Variants in APOBEC3F observed in about 807,000 individuals in gnomAD.
APOBEC3F encodes the protein DNA dC->dU-editing enzyme APOBEC-3F.
Under a neutral mutation model 45.8 loss-of-function variants are expected in APOBEC3F, and 34 were observed. The observed-to-expected ratio is 0.74, with a 90% CI of 0.57 to 0.99. The LOEUF is 0.99. APOBEC3F is among the 50% of genes least tolerant of loss of function. The pLI is 0.00. For synonymous variants in APOBEC3F, 192 were observed against 174.4 expected (o/e 1.10, Z -0.80); for missense variants, 459 against 474.1 (o/e 0.97, Z 0.30).
chr22:39,055,676 G>A lies in APOBEC3F; in HGVS notation c.*2981G>A, dbSNP rs1008260771. Among the ~76,000 whole-genome samples, 1 of 152,170 alleles carries A rather than the reference G, an allele frequency of 6.6e-6. No homozygotes were observed. Among genetic ancestry groups the A allele is most frequent in the Non-Finnish European group, 1.5e-5 (1 of 68,038 alleles). ...GCCAGACTGTTTGGCGCTGCTACCTGGGCCTGGTAGTTAAAGATCAACTCC... is the reference window on the plus strand; with the variant it reads ...GCCAGACTGTTTGGCGCTGCTACCTAGGCCTGGTAGTTAAAGATCAACTCC... On this transcript the variant is annotated 3_prime_UTR_variant, in exon 7 of 7. Coordinates refer to ENST00000308521, the MANE Select transcript of APOBEC3F (RefSeq NM_145298.6).
At position 39,053,205 on chromosome 22, in the gene APOBEC3F, AG is replaced by A. The variant is rs1927582491; in HGVS notation, c.*512del. 1 of 151,308 alleles carries A rather than the reference AG, an allele frequency of 6.6e-6. No individual in the cohort carries two copies. The highest frequency in any genetic ancestry group is 6.6e-5 in the Admixed American group (1 of 15,146). The allele number at this position is 151,308 out of a possible 1,614,324, so 9.4% of individuals were successfully genotyped here. A position where few individuals can be genotyped will look rare whatever the true frequency, so the allele number is the denominator to read the frequency against. On this transcript the variant is annotated 3_prime_UTR_variant, in exon 7 of 7. Transcript: ENST00000308521. ...GTGACTGGGTTTCACCATGTTGGCC[AG>A]GCTGGTCTTGAACTCCTGACCTCAG...
At chr22:39,044,130 C>G in intron 2 of APOBEC3F, 1 of 1,567,848 alleles carries the variant, frequency 6.4e-7, no homozygotes, top group Non-Finnish European at 8.6e-7. Flanking sequence ...TCAGTAGCCC[C>G]TTTGGCCAGT....
intron 2 of APOBEC3F, among the ~76,000 whole-genome samples, chr22:39,043,734 G>A (rs1171479071): frequency 1.3e-5 from 2 of 151,830 alleles, no homozygotes; most frequent in Non-Finnish European, 2.9e-5. Context: ...AGCTGTGTAG[G>A]CCACGCTTGG....
Position 39,044,984 on chromosome 22 carries a change from CTT to C in APOBEC3F, c.216_217del (p.Trp73ValfsTer36), listed in dbSNP as rs1482621259. ...CACCACGCAGAAATGTGCTTCCTCT[CTT>C]GGTTCTGTGGCAACCAGCTGCCTGC... On this transcript the variant is annotated frameshift_variant, in exon 3 of 7. Transcript: ENST00000308521. LOFTEE classifies it high-confidence loss of function. 6.2e-7 allele frequency: 1 copy of C among 1,613,946 alleles called. No homozygotes were observed. Among genetic ancestry groups the C allele is most frequent in the Admixed American group, 1.7e-5 (1 of 59,982 alleles).
chr22:39,043,267 A>G, intron 2 of APOBEC3F, among the ~76,000 whole-genome samples, 177 bp downstream of exon 2: 2 of 144,854 alleles, frequency 1.4e-5, no homozygotes. Context: ...CGGATCGTGG[A>G]GGGGGTTTGC....
rs35928287 is a variant in APOBEC3F, at chr22:39,045,123, C to T, written c.354C>T (p.Ser118=). 4.0e-3 allele frequency: 6,454 copies of T among 1,612,854 alleles called. 161 individuals carry two copies. In the African/African-American group the frequency reaches 0.072, roughly 18 times the overall value. The part of the protein sequence containing the change: ...AEHPNVTLTI[S]AARLYYYWER... ...ACCCCAATGTCACCCTGACCATCTCCGCCGCCCGCCTCTACTACTACTGGG... is the reference window on the plus strand; with the variant it reads ...ACCCCAATGTCACCCTGACCATCTCTGCCGCCCGCCTCTACTACTACTGGG... Residue 118 remains serine, a synonymous_variant, in exon 3 of 7, where the codon TCC becomes TCT. Transcript: ENST00000308521.
intron 4 of APOBEC3F, among the ~76,000 whole-genome samples, chr22:39,049,017 G>A (rs902668103): frequency 6.6e-6 from 1 of 151,890 alleles, no homozygotes; most frequent in Non-Finnish European, 1.5e-5. Flanking sequence ...AACAAAAAGA[G>A]TAGCCTGGGC....
chr22:39,050,700 C>T (rs1002532685), intron 5 of APOBEC3F, among the ~76,000 whole-genome samples: 2 of 151,660 alleles, frequency 1.3e-5, no homozygotes, highest in Admixed American at 6.6e-5. Context: ...GTATTTTACA[C>T]GTGCCAACGT....
intron 5 of APOBEC3F, among the ~76,000 whole-genome samples, chr22:39,049,965 A>C (rs2076105): frequency 0.53 from 74,916 of 142,228 alleles, 20,403 homozygotes; most frequent in East Asian, 0.68. Context: ...GGCCTCCCAA[A>C]GTGCTAGGAT....
chr22:39,042,836 G>A lies in APOBEC3F; in HGVS notation c.18-101G>A, dbSNP rs865850813. On this transcript the variant is annotated intron_variant, in intron 1 of 6. Transcript: ENST00000308521. ...TTCTCAGGGCTGTGGAGGGGTTGGG[G>A]AGGCCCAGAGCCATGCAGGGGGCTG... is the stretch of plus-strand genomic sequence containing the variant. The A allele has an allele frequency of 5.3e-6, 8 of 1,517,560 alleles. No homozygotes were observed. The Middle Eastern group carries it at 1.6e-3, about 310-fold the overall frequency. 94.0% of individuals were successfully genotyped at this position (1,517,560 alleles called of 1,614,324 possible).
chr22:39,048,649 T>C (rs1927334367), intron 4 of APOBEC3F, among the ~76,000 whole-genome samples: 1 of 151,836 alleles, frequency 6.6e-6, no homozygotes, highest in Non-Finnish European at 1.5e-5. Context: ...CTACTAAAAA[T>C]ACAAAAAATT....
At chr22:39,047,292 C>A (rs1008995616) in intron 4 of APOBEC3F, among the ~76,000 whole-genome samples, 7 of 152,132 alleles carry the variant, frequency 4.6e-5, no homozygotes, top group Non-Finnish European at 2.9e-5. Flanking sequence ...GGGATGATTC[C>A]TGAGGGCAGG....
intron 5 of APOBEC3F, among the ~76,000 whole-genome samples, chr22:39,050,920 G>A (rs1927453869): frequency 6.6e-6 from 1 of 152,174 alleles, no homozygotes; most frequent in Non-Finnish European, 1.5e-5. Context: ...GACCTATGAT[G>A]AGACAGGAAA....
At chr22:39,044,192 C>A in intron 2 of APOBEC3F, 1 of 1,609,848 alleles carries the variant, frequency 6.2e-7, no homozygotes, top group South Asian at 1.1e-5. Flanking sequence ...CAGCTGACCG[C>A]AGGCAGGGAA....
intron 5 of APOBEC3F, among the ~76,000 whole-genome samples, chr22:39,051,643 C>A (rs1157820910): frequency 6.6e-6 from 1 of 151,802 alleles, no homozygotes; most frequent in South Asian, 2.1e-4. Flanking sequence ...TAGTATGTAC[C>A]CAAAAAAATG....
At chr22:39,046,250 A>G (rs1349414028) in intron 4 of APOBEC3F, among the ~76,000 whole-genome samples, 1 of 152,138 alleles carries the variant, frequency 6.6e-6, no homozygotes, top group African/African-American at 2.4e-5. Flanking sequence ...GCCATGAGTT[A>G]ATTTAATCAC....
intron 3 of APOBEC3F, 65 bp from the exon 4 acceptor site, chr22:39,045,363 C>G (rs1455063474): frequency 1.2e-6 from 2 of 1,611,038 alleles, no homozygotes; most frequent in African/African-American, 2.7e-5. Context: ...GCCAGGAGAC[C>G]AGGCCTGGGA....
Position 39,045,137 on chromosome 22 carries a change from A to G in APOBEC3F, c.368A>G (p.Tyr123Cys), listed in dbSNP as rs199884564. The G allele has an allele frequency of 5.6e-6, 9 of 1,613,956 alleles. No homozygotes were observed. Among genetic ancestry groups the G allele is most frequent in the South Asian group, 1.1e-5 (1 of 91,076 alleles). ...CTGACCATCTCCGCCGCCCGCCTCT[A>G]CTACTACTGGGAAAGAGATTACCGA... ...VTLTISAARL[Y>C]YYWERDYRRA... The change falls in exon 3 of 7, where the codon TAC (tyrosine) becomes TGC (cysteine). Residue 123 changes from tyrosine (Y) to cysteine (C), a missense_variant. Transcript: ENST00000308521.
chr22:39,054,362 G>A lies in APOBEC3F; in HGVS notation c.*1667G>A, dbSNP rs577591645. 7.6e-4 allele frequency among the ~76,000 whole-genome samples: 115 copies of A among 152,312 alleles called. No individual in the cohort carries two copies. The highest frequency in any genetic ancestry group is 2.2e-3 in the African/African-American group (92 of 41,564). ...TTTTCCTACCTAAGCCTCCCAAGTA[G>A]CTGGGATTACATGCGCGTGCCACCA... On this transcript the variant is annotated 3_prime_UTR_variant, in exon 7 of 7. Coordinates refer to ENST00000308521, the MANE Select transcript of APOBEC3F (RefSeq NM_145298.6).
Sources: gnomAD v4.1 joint callset for allele counts (sites outside exome capture counted in the v4.1 genomes callset) on GRCh38, gnomAD v4.1.1 for gene constraint, MANE v1.5 for transcripts, NCBI Gene and HGNC (gene_info 2026-07-23, HGNC 2026-07-21) for gene names.